AFF3: variants seen among roughly 807,000 people sequenced by gnomAD.
AFF3 encodes AF4/FMR2 family member 3.
Under a neutral mutation model 129.7 loss-of-function variants are expected in AFF3, and 32 were observed. That is an observed-to-expected ratio of 0.25 (90% confidence interval 0.19 to 0.33). AFF3 has a LOEUF of 0.33. Ranked by LOEUF, AFF3 falls within the 10% of genes least tolerant of loss-of-function variation. The pLI is 1.00. For missense variants in AFF3, 1,373 were observed against 1,592.0 expected (o/e 0.86, Z 2.34); for synonymous variants, 644 against 635.4 (o/e 1.01, Z -0.20).
chr2:99,841,435 G>A (rs1689308880), intron 7 of AFF3, among the ~76,000 whole-genome samples: 2 of 152,324 alleles, frequency 1.3e-5, no homozygotes, highest in South Asian at 2.1e-4. Context: ...TAAAGCTAAG[G>A]AGGCGGCAGA....
chr2:99,961,756 A>C (rs1677231006), intron 7 of AFF3, among the ~76,000 whole-genome samples: 1 of 152,206 alleles, frequency 6.6e-6, no homozygotes, highest in Non-Finnish European at 1.5e-5. Context: ...CAATAGAAGA[A>C]GGCAACCCGG....
In AFF3 at chr2:99,767,721, G is replaced by A. The variant is rs924552104; in HGVS notation, c.922-15420C>T. Among the ~76,000 whole-genome samples the A allele has an allele frequency of 2.0e-5, 3 of 152,330 alleles. No individual in the cohort carries two copies. In the East Asian group the frequency reaches 5.8e-4, roughly 29 times the overall value. On this transcript the variant is annotated intron_variant, in intron 8 of 24. Coordinates refer to ENST00000672756, the MANE Select transcript of AFF3 (RefSeq NM_001386135.1). ...GCCTGTCATCTCAGCACTTTGGGAG[G>A]CCGAGGCGGGCGGATCACGAGGTCA...
At chr2:99,830,167 T>G (rs1688410804) in intron 8 of AFF3, among the ~76,000 whole-genome samples, 1 of 152,048 alleles carries the variant, frequency 6.6e-6, no homozygotes, top group Admixed American at 6.6e-5. Flanking sequence ...AAATACCTAG[T>G]GCATGCAGGG....
intron 11 of AFF3, among the ~76,000 whole-genome samples, chr2:99,696,961 T>C (rs2104733388): frequency 6.6e-6 from 1 of 152,350 alleles, no homozygotes; most frequent in South Asian, 2.1e-4. Flanking sequence ...AAATTCTTGA[T>C]GGCTATAGGC....
chr2:99,810,620 C>A (rs1686713634), intron 8 of AFF3, among the ~76,000 whole-genome samples: 1 of 151,588 alleles, frequency 6.6e-6, no homozygotes, highest in South Asian at 2.1e-4. Flanking sequence ...TCTTGTCTAT[C>A]CACTTTAGTT....
chr2:100,031,128 G>A (rs1437827472), intron 4 of AFF3, among the ~76,000 whole-genome samples: 1 of 152,052 alleles, frequency 6.6e-6, no homozygotes, highest in Non-Finnish European at 1.5e-5. Flanking sequence ...AGTGGAGTCT[G>A]TAAAAAAAAG....
At chr2:99,826,610 G>A (rs1688098725) in intron 8 of AFF3, among the ~76,000 whole-genome samples, 1 of 152,126 alleles carries the variant, frequency 6.6e-6, no homozygotes, top group Admixed American at 6.5e-5. Context: ...GGAAGAGCAT[G>A]AGTTGCGCCC....
At chr2:99,606,865 G>C (rs1300064131) in intron 13 of AFF3, among the ~76,000 whole-genome samples, 2 of 128,086 alleles carry the variant, frequency 1.6e-5, no homozygotes, top group African/African-American at 3.0e-5. Context: ...AGTGAGCTGA[G>C]ATTGCGCCAC....
intron 8 of AFF3, among the ~76,000 whole-genome samples, chr2:99,753,058 C>T (rs755519754): frequency 3.2e-4 from 48 of 151,908 alleles, no homozygotes; most frequent in Non-Finnish European, 1.2e-4. Flanking sequence ...ATGACCAGGA[C>T]GCCAACTTGG....
At chr2:99,991,159 G>A (rs1046201146) in intron 7 of AFF3, among the ~76,000 whole-genome samples, 1 of 152,162 alleles carries the variant, frequency 6.6e-6, no homozygotes, top group African/African-American at 2.4e-5. Flanking sequence ...ACAGAGAAAG[G>A]TAAAAATAAT....
intron 11 of AFF3, among the ~76,000 whole-genome samples, chr2:99,710,261 T>A (rs1404859976): frequency 2.0e-5 from 3 of 152,170 alleles, no homozygotes; most frequent in Non-Finnish European, 4.4e-5. Context: ...GTATTTGTTT[T>A]TTGTTTCTTT....
chr2:99,698,988 A>C (rs1014692190), intron 11 of AFF3, among the ~76,000 whole-genome samples: 3 of 152,222 alleles, frequency 2.0e-5, no homozygotes, highest in Non-Finnish European at 4.4e-5. Flanking sequence ...AAAATATATA[A>C]GAAACTTTGG....
At chr2:99,976,829 T>C (rs1221197296) in intron 7 of AFF3, among the ~76,000 whole-genome samples, 2 of 151,724 alleles carry the variant, frequency 1.3e-5, no homozygotes, top group Non-Finnish European at 2.9e-5. Context: ...AAAAGGCTTA[T>C]ATTTACTTGA....
At chr2:99,732,418 T>C (rs1252930996) in intron 10 of AFF3, among the ~76,000 whole-genome samples, 3 of 152,032 alleles carry the variant, frequency 2.0e-5, no homozygotes, top group Non-Finnish European at 4.4e-5. Context: ...TTTTTCTTTT[T>C]AACCGCCTAT....
At chr2:100,055,040 A>C (rs1030327201) in intron 4 of AFF3, among the ~76,000 whole-genome samples, 3 of 152,246 alleles carry the variant, frequency 2.0e-5, no homozygotes, top group Non-Finnish European at 4.4e-5. Flanking sequence ...CTTGGTTGTT[A>C]TTGTTGGGTT....
intron 17 of AFF3, among the ~76,000 whole-genome samples, chr2:99,581,973 G>A (rs1330752210): frequency 6.7e-6 from 1 of 150,246 alleles, no homozygotes; most frequent in Non-Finnish European, 1.5e-5. Context: ...TACTACCTCA[G>A]CCTCCTGAAT....
At chr2:99,556,122 G>A (rs1674892129) in intron 22 of AFF3, among the ~76,000 whole-genome samples, 1 of 152,168 alleles carries the variant, frequency 6.6e-6, no homozygotes, top group African/African-American at 2.4e-5. Flanking sequence ...AGAAAGGCTT[G>A]GGGGTTGCAG....
At chr2:99,886,342 G>T (rs1020209226) in intron 7 of AFF3, among the ~76,000 whole-genome samples, 5 of 152,156 alleles carry the variant, frequency 3.3e-5, no homozygotes, top group Non-Finnish European at 7.3e-5. Flanking sequence ...TAAATGGACT[G>T]GCCTTAGCCT....
chr2:99,880,111 T>G (rs893792258), intron 7 of AFF3, among the ~76,000 whole-genome samples: 1 of 152,190 alleles, frequency 6.6e-6, no homozygotes, highest in Non-Finnish European at 1.5e-5. Flanking sequence ...AGTAAAGATT[T>G]TACTTTCCAA....
Sources: gnomAD v4.1 joint callset for allele counts (sites outside exome capture counted in the v4.1 genomes callset) on GRCh38, gnomAD v4.1.1 for gene constraint, MANE v1.5 for transcripts, NCBI Gene and HGNC (gene_info 2026-07-23, HGNC 2026-07-21) for gene names.